Variants in TTC34 observed in about 807,000 individuals in gnomAD.
TTC34 encodes tetratricopeptide repeat protein 34.
In TTC34, 44 loss-of-function variants were observed where a neutral mutation model predicts 40.7. The observed-to-expected ratio is 1.08, with a 90% CI of 0.85 to 1.39. TTC34 has a LOEUF of 1.39. Ranked by LOEUF, TTC34 falls within the 40% of genes most tolerant of loss-of-function variation. The probability of loss-of-function intolerance (pLI) is 0.00; values close to 1 mark genes in which losing one functional copy is unlikely to be tolerated. For missense variants in TTC34, 884 were observed against 838.0 expected (o/e 1.05, Z -0.68); for synonymous variants, 422 against 398.6 (o/e 1.06, Z -0.70).
At chr1:2,788,909 T>C (rs1462935350) in intron 3 of TTC34, among the ~76,000 whole-genome samples, 2 of 152,094 alleles carry the variant, frequency 1.3e-5, no homozygotes, top group Non-Finnish European at 2.9e-5. Context: ...CTGGCCACCA[T>C]GGTGAAACCC....
chr1:2,781,986 T>C (rs1226377902), intron 6 of TTC34, among the ~76,000 whole-genome samples: 2 of 152,202 alleles, frequency 1.3e-5, no homozygotes, highest in East Asian at 3.9e-4. Context: ...TGTAGTGTCT[T>C]TGGCTATGGT....
At position 2,785,879 on chromosome 1, in the gene TTC34, C is replaced by T. The variant is rs61745555; in HGVS notation, c.1999G>A (p.Asp667Asn). 4.5e-4 allele frequency: 693 copies of T among 1,540,192 alleles called. 2 individuals are homozygous for T. In the African/African-American group the frequency reaches 7.7e-3, roughly 17 times the overall value. The change falls in exon 5 of 9, where the codon GAC becomes AAC. Residue 667 changes from aspartate (D) to asparagine (N), a missense_variant. Coordinates refer to ENST00000401095, the Ensembl canonical transcript of TTC34. ...GCCTCCTTGGTGTGAACCCTGCCGT[C>T]GGCCCCGCCTGGCCGTGCCCGCAGG...
rs886874480 is a variant in TTC34 at position 2,645,726 on chromosome 1, G to A, written c.2227-163C>T. On this transcript the variant is annotated intron_variant, in intron 6 of 8. Transcript: ENST00000401095. This position sits in a 1 kb window ranked among gnomAD's most constrained non-coding sequence, Gnocchi z 4.7. ...GCTTCCTGCCCCTTCCTGCTTCTCTGTGGCTGCAGCCTCCTACCATCCCTC... is the reference window on the plus strand; with the variant it reads ...GCTTCCTGCCCCTTCCTGCTTCTCTATGGCTGCAGCCTCCTACCATCCCTC... Among the ~76,000 whole-genome samples the A allele has an allele frequency of 2.0e-5, 3 of 152,162 alleles. 1 individual carries two copies. The highest frequency in any genetic ancestry group is 6.5e-5 in the Admixed American group (1 of 15,280).
chr1:2,646,495 C>G (rs1355983641), intron 6 of TTC34, among the ~76,000 whole-genome samples: 1 of 152,152 alleles, frequency 6.6e-6, no homozygotes, highest in African/African-American at 2.4e-5. Context: ...AGTGATCCTC[C>G]CACTTCTGCC....
At chr1:2,793,829 T>C (rs886975888) in intron 2 of TTC34, among the ~76,000 whole-genome samples, 1 of 152,152 alleles carries the variant, frequency 6.6e-6, no homozygotes. Context: ...TTAGTATAGC[T>C]TCATATTAAC....
exon 9 of TTC34, chr1:2,641,252 G>A (rs1638895257): frequency 1.7e-6 from 2 of 1,188,498 alleles, no homozygotes; most frequent in Non-Finnish European, 2.3e-6. Context: ...GGGGTGTGGA[G>A]AGGGCAGGGC....
At chr1:2,775,343 C>T (rs574172885) in intron 6 of TTC34, 57 of 150,796 alleles carry the variant, frequency 3.8e-4, no homozygotes, top group Admixed American at 3.1e-3. Context: ...TGGAACAGAA[C>T]CCCGCTCTTC....
At chr1:2,751,880 GCACC>G (rs1210140370) in intron 6 of TTC34, among the ~76,000 whole-genome samples, 4 of 113,154 alleles carry the variant, frequency 3.5e-5, no homozygotes, top group African/African-American at 1.7e-4. Flanking sequence ...GCCTGGAGCA[GCACC>G]CACACCCCCA....
intron 3 of TTC34, among the ~76,000 whole-genome samples, chr1:2,787,909 T>C (rs10909826): frequency 0.072 from 10,910 of 152,244 alleles, 892 homozygotes; most frequent in African/African-American, 0.2. Flanking sequence ...GCCCTTCTCC[T>C]ACCCTGTGGG....
intron 6 of TTC34, among the ~76,000 whole-genome samples, chr1:2,688,157 G>A (rs1305261005): frequency 0.019 from 609 of 31,950 alleles, no homozygotes; most frequent in African/African-American, 0.048. Context: ...GGCCTGGAAG[G>A]GCACCCACAC....
At chr1:2,687,248 C>A (rs1465267063) in intron 6 of TTC34, among the ~76,000 whole-genome samples, 2 of 138,784 alleles carry the variant, frequency 1.4e-5, no homozygotes, top group East Asian at 4.0e-4. Flanking sequence ...CCCACACCCC[C>A]AGGTGCGCAT....
intron 2 of TTC34, among the ~76,000 whole-genome samples, chr1:2,792,544 C>T (rs981425304): frequency 2.6e-5 from 4 of 152,142 alleles, no homozygotes; most frequent in African/African-American, 9.7e-5. Flanking sequence ...GTTTTAGTAG[C>T]AGTGAAATTG....
exon 3 of TTC34, chr1:2,789,553 C>T: frequency 6.7e-7 from 1 of 1,491,896 alleles, no homozygotes; most frequent in Non-Finnish European, 8.9e-7. Flanking sequence ...TCCGGCCCTG[C>T]GCTCTGGACG....
At chr1:2,692,605 G>GGCTAGAACAGCACCCACAC (rs1640675659) in intron 6 of TTC34, among the ~76,000 whole-genome samples, 1 of 148,074 alleles carries the variant, frequency 6.8e-6, no homozygotes, top group Non-Finnish European at 1.5e-5. Flanking sequence ...GCATCTGACT[G>GGCTAGAACAGCACCCACAC]CCTGGAACAG....
chr1:2,755,641 T>A, intron 6 of TTC34, among the ~76,000 whole-genome samples: 1 of 104,198 alleles, frequency 9.6e-6, no homozygotes, highest in Non-Finnish European at 1.8e-5. Context: ...GCGCATCTGA[T>A]GGTCTGGAGC....
intron 6 of TTC34, among the ~76,000 whole-genome samples, chr1:2,695,704 C>G (rs959034657): frequency 2.0e-5 from 3 of 150,274 alleles, no homozygotes; most frequent in Non-Finnish European, 4.5e-5. Context: ...CAGCCTGGAA[C>G]AGCACCCACA....
At chr1:2,755,593 G>A (rs1443508294) in intron 6 of TTC34, among the ~76,000 whole-genome samples, 3 of 120,526 alleles carry the variant, frequency 2.5e-5, no homozygotes, top group East Asian at 5.6e-4. Context: ...CTCCCGGCGA[G>A]CATCCGACAG....
intron 6 of TTC34, among the ~76,000 whole-genome samples, chr1:2,686,811 G>T (rs1640378354): frequency 2.9e-5 from 4 of 138,284 alleles, no homozygotes; most frequent in African/African-American, 8.5e-5. Context: ...ACCCCCAGGC[G>T]AGCATCTGAC....
chr1:2,760,691 T>G (rs1327826814), intron 6 of TTC34, among the ~76,000 whole-genome samples: 60 of 6,604 alleles, frequency 9.1e-3, no homozygotes, highest in East Asian at 0.014. Context: ...ACACCCCCAT[T>G]TGAGCATCCG....
Sources: allele counts gnomAD v4.1 joint callset (sites outside exome capture counted in the v4.1 genomes callset), GRCh38; gene constraint gnomAD v4.1.1; non-coding constraint Gnocchi (gnomAD v3.1); transcripts MANE v1.5; gene names NCBI Gene and HGNC (gene_info 2026-07-23, HGNC 2026-07-21).